Variants in NBAS observed in about 807,000 individuals in gnomAD.
NBAS encodes NAG/BC035112 fusion.
NBAS carries 219 observed loss-of-function variants against 302.5 expected under a neutral mutation model. That is an observed-to-expected ratio of 0.72 (90% CI 0.65 to 0.81). The LOEUF is 0.81. Among genes scored for constraint, NBAS ranks in the 30% least tolerant of loss-of-function variants. NBAS has a pLI of 0.00. For missense variants in NBAS, 2,932 were observed against 2,841.6 expected (o/e 1.03, Z -0.72); for synonymous variants, 1,118 against 1,021.6 (o/e 1.09, Z -1.80).
chr2:15,078,092 A>G, the NBAS span, among the ~76,000 whole-genome samples: 11 of 152,194 alleles, frequency 7.2e-5, no homozygotes, highest in African/African-American at 2.7e-4. Flanking sequence ...AGGGCCAAGC[A>G]TATGCAAAGC....
At chr2:15,149,596 C>T in the NBAS span, among the ~76,000 whole-genome samples, 1 of 152,110 alleles carries the variant, frequency 6.6e-6, no homozygotes, top group African/African-American at 2.4e-5. Context: ...GGTGATCCTC[C>T]CATCTCAGCC....
the NBAS span, among the ~76,000 whole-genome samples, chr2:14,787,197 T>C: frequency 1.4e-4 from 22 of 152,184 alleles, no homozygotes; most frequent in Admixed American, 1.2e-3. Context: ...CATCCTTTTA[T>C]TTTGAGCCTA....
intron 4 of NBAS, 96 bp downstream of exon 4, chr2:15,553,965 C>G: frequency 1.9e-6 from 2 of 1,035,620 alleles, no homozygotes; most frequent in Admixed American, 4.0e-5. Flanking sequence ...CAATAAAAAT[C>G]AAGACTGAAA....
At chr2:14,836,787 A>G in the NBAS span, among the ~76,000 whole-genome samples, 1 of 151,844 alleles carries the variant, frequency 6.6e-6, no homozygotes, top group Non-Finnish European at 1.5e-5. Flanking sequence ...AGAATTGATA[A>G]CTTTCTTAGA....
At chr2:15,320,479 G>T (rs1212978778) in intron 38 of NBAS, among the ~76,000 whole-genome samples, 2 of 152,292 alleles carry the variant, frequency 1.3e-5, no homozygotes, top group Non-Finnish European at 2.9e-5. Context: ...CAGATGACAT[G>T]ATCGTATATT....
chr2:15,554,226 G>C (rs1333107674), intron 3 of NBAS, 88 bp from the exon 4 acceptor site: 1 of 1,100,534 alleles, frequency 9.1e-7, no homozygotes, highest in Non-Finnish European at 1.4e-6. Flanking sequence ...TATAGAGAGA[G>C]ACACAGATTT....
chr2:14,924,004 G>T, the NBAS span, among the ~76,000 whole-genome samples: 1 of 152,092 alleles, frequency 6.6e-6, no homozygotes, highest in Non-Finnish European at 1.5e-5. Flanking sequence ...CCCCTGGCTG[G>T]ACCTTTTCCT....
In NBAS at chr2:15,343,373, A is replaced by C. The variant is rs533503624; in HGVS notation, c.4179+8619T>G. 7.2e-5 allele frequency among the ~76,000 whole-genome samples: 11 copies of C among 152,282 alleles called. 1 individual carries two copies. The South Asian group carries it at 1.4e-3, about 20-fold the overall frequency. On this transcript the variant is annotated intron_variant, in intron 35 of 51. Coordinates refer to ENST00000281513, the MANE Select transcript of NBAS (RefSeq NM_015909.4). ...AATCATTAGATGAGGAAGGTGGGAC[A>C]GAATGATGTTTCATCACTCAAAATT...
rs7585132 is a variant in NBAS, at chr2:15,407,297, A to T, written c.2938-4996T>A. 5.2e-3 allele frequency among the ~76,000 whole-genome samples: 798 copies of T among 152,308 alleles called. 9 individuals are homozygous for T. The highest frequency in any genetic ancestry group is 0.018 in the African/African-American group (767 of 41,564). On this transcript the variant is annotated intron_variant, in intron 25 of 51. Coordinates refer to ENST00000281513, the MANE Select transcript of NBAS (RefSeq NM_015909.4). Reference sequence around the variant, plus strand: ...CAAGAGAAAGTGCACAGAAAATTGCAGCCAAAAGTTTAAGGGGTTAAGTAT... The same window carrying T: ...CAAGAGAAAGTGCACAGAAAATTGCTGCCAAAAGTTTAAGGGGTTAAGTAT...
the NBAS span, among the ~76,000 whole-genome samples, chr2:14,965,962 AGG>A: frequency 6.6e-6 from 1 of 152,212 alleles, no homozygotes; most frequent in African/African-American, 2.4e-5. Context: ...AAAGTGGATT[AGG>A]GTAGGCCTGG....
chr2:15,118,054 G>GA, the NBAS span, among the ~76,000 whole-genome samples: 1 of 152,100 alleles, frequency 6.6e-6, no homozygotes, highest in Admixed American at 6.5e-5. Flanking sequence ...TTATTAACAG[G>GA]AAAAAAGAAA....
At chr2:15,023,521 T>C in the NBAS span, among the ~76,000 whole-genome samples, 1 of 151,770 alleles carries the variant, frequency 6.6e-6, no homozygotes, top group East Asian at 1.9e-4. Flanking sequence ...ATAAAAAGGT[T>C]ATAACTTTTG....
intron 21 of NBAS, among the ~76,000 whole-genome samples, chr2:15,457,711 G>A (rs186993884): frequency 1.4e-3 from 217 of 152,320 alleles, no homozygotes; most frequent in African/African-American, 5.0e-3. Context: ...AAGCACTCAT[G>A]CACCAACAAA....
intron 44 of NBAS, among the ~76,000 whole-genome samples, chr2:15,257,504 T>C (rs1253828295): frequency 1.3e-5 from 2 of 151,706 alleles, no homozygotes; most frequent in African/African-American, 4.8e-5. Flanking sequence ...GAGATTCTCC[T>C]GCCTCAGCCT....
the NBAS span, among the ~76,000 whole-genome samples, chr2:15,010,875 C>T: frequency 6.6e-6 from 1 of 152,180 alleles, no homozygotes; most frequent in Non-Finnish European, 1.5e-5. Flanking sequence ...TGATTTCACA[C>T]TAACATAACA....
At chr2:15,257,989 G>C in intron 44 of NBAS, among the ~76,000 whole-genome samples, 1 of 152,068 alleles carries the variant, frequency 6.6e-6, no homozygotes, top group Non-Finnish European at 1.5e-5. Context: ...ACCTCATTAA[G>C]ATGTGCATTT....
the NBAS span, among the ~76,000 whole-genome samples, chr2:14,837,338 T>C: frequency 2.1e-4 from 32 of 151,900 alleles, no homozygotes; most frequent in African/African-American, 2.4e-5. Flanking sequence ...CATGTCCAAA[T>C]TGCATATTTT....
At chr2:15,386,098 T>G (rs6734288) in intron 28 of NBAS, among the ~76,000 whole-genome samples, 94,166 of 152,054 alleles carry the variant, frequency 0.62, 29,959 homozygotes, top group Middle Eastern at 0.68. Context: ...AACTGAGGTG[T>G]ATGGTGGCTA....
intron 51 of NBAS, among the ~76,000 whole-genome samples, chr2:15,167,806 A>G (rs1300775908): frequency 6.6e-6 from 1 of 152,204 alleles, no homozygotes; most frequent in Non-Finnish European, 1.5e-5. Flanking sequence ...TGTGATCCAC[A>G]TTCTTTAATG....
Sources: allele counts gnomAD v4.1 joint callset (sites outside exome capture counted in the v4.1 genomes callset), GRCh38; gene constraint gnomAD v4.1.1; transcripts MANE v1.5; gene names NCBI Gene and HGNC (gene_info 2026-07-23, HGNC 2026-07-21).